Variants in WWC2 observed in about 807,000 individuals in gnomAD.
WWC2 encodes WW and C2 domain containing 2, also known as protein WWC2.
Under a neutral mutation model 138.5 loss-of-function variants are expected in WWC2, and 101 were observed. The observed-to-expected ratio is 0.73, with a 90% CI of 0.62 to 0.86. The LOEUF (loss-of-function observed/expected upper bound fraction) is 0.86. WWC2 is among the 40% of genes least tolerant of loss of function. The pLI, the probability that WWC2 is intolerant of heterozygous loss-of-function variation, is 0.00. For missense variants in WWC2, 1,420 were observed against 1,419.4 expected (o/e 1.00, Z -0.01); for synonymous variants, 558 against 538.4 (o/e 1.04, Z -0.50).
At chr4:183,302,745 A>G (rs977018709) in intron 21 of WWC2, among the ~76,000 whole-genome samples, 16 of 152,206 alleles carry the variant, frequency 1.1e-4, no homozygotes, top group Non-Finnish European at 2.4e-4. Context: ...GTCCCTCAAG[A>G]CACAAATAAA....
chr4:183,200,026 A>C (rs1288140156), intron 2 of WWC2, among the ~76,000 whole-genome samples: 3 of 152,206 alleles, frequency 2.0e-5, no homozygotes, highest in Non-Finnish European at 4.4e-5. Flanking sequence ...CTGCTTTATG[A>C]AGCCTTCTAA....
At chr4:183,206,255 C>T (rs1735444259) in intron 2 of WWC2, among the ~76,000 whole-genome samples, 1 of 152,034 alleles carries the variant, frequency 6.6e-6, no homozygotes, top group Admixed American at 6.5e-5. Flanking sequence ...CCTGTTATTC[C>T]ACCATGGCCT....
rs1309054058 is a variant in WWC2 at position 183,312,353 on chromosome 4, AAAG to A, written c.3402_3404del (p.Glu1135del). ...TTCCCTTTTCCAGGCTGAACAGTCC[AAAG>A]AAGAGCAGAAGCAAGGTCTGAATGC... On this transcript the variant is annotated inframe_deletion, in exon 22 of 23. Transcript: ENST00000403733. 1.2e-6 allele frequency: 2 copies of A among 1,613,476 alleles called. No individual in the cohort carries two copies. The highest frequency in any genetic ancestry group is 1.7e-5 in the Admixed American group (1 of 60,012).
chr4:183,154,668 G>A (rs1370644278), intron 1 of WWC2, among the ~76,000 whole-genome samples: 1 of 152,090 alleles, frequency 6.6e-6, no homozygotes, highest in Admixed American at 6.6e-5. Context: ...TAATTTAACC[G>A]GATTAAGATG....
At chr4:183,172,859 T>C (rs1029670773) in intron 1 of WWC2, among the ~76,000 whole-genome samples, 38 of 152,152 alleles carry the variant, frequency 2.5e-4, no homozygotes, top group Admixed American at 1.7e-3. Flanking sequence ...ACCTCCTAGA[T>C]TGGTTGTTCA....
intron 1 of WWC2, among the ~76,000 whole-genome samples, chr4:183,155,312 G>T (rs1733774878): frequency 6.6e-6 from 1 of 152,078 alleles, no homozygotes; most frequent in Non-Finnish European, 1.5e-5. Flanking sequence ...CTAGGGGTCA[G>T]CGGAGACATA....
intron 5 of WWC2, chr4:183,240,524 C>G (rs1244053845): frequency 6.4e-6 from 2 of 314,364 alleles, no homozygotes; most frequent in Admixed American, 5.0e-5. Flanking sequence ...TTTGTCTTAC[C>G]TTTATCTCCT....
At chr4:183,240,445 C>T (rs1444390898) in intron 5 of WWC2, 183 bp downstream of exon 5, 1 of 490,760 alleles carries the variant, frequency 2.0e-6, no homozygotes, top group African/African-American at 2.0e-5. Context: ...TGGGAAAGAT[C>T]TATGCACTTG....
At chr4:183,147,882 TA>T (rs754438055) in intron 1 of WWC2, among the ~76,000 whole-genome samples, 10 of 152,258 alleles carry the variant, frequency 6.6e-5, no homozygotes, top group Non-Finnish European at 1.5e-4. Flanking sequence ...TTGCACATGC[TA>T]ACATACTTTG....
intron 11 of WWC2, among the ~76,000 whole-genome samples, 172 bp from the exon 12 acceptor site, chr4:183,264,806 A>G (rs930763492): frequency 2.0e-5 from 3 of 152,242 alleles, no homozygotes; most frequent in African/African-American, 4.8e-5. Context: ...CAGGAATCTT[A>G]TAAGTCATAG....
chr4:183,212,587 C>G (rs1482432302), intron 4 of WWC2, among the ~76,000 whole-genome samples: 1 of 152,166 alleles, frequency 6.6e-6, no homozygotes, highest in Non-Finnish European at 1.5e-5. Context: ...AAATTTTCAC[C>G]CTTTTCATAG....
rs190962996 is a variant in WWC2 at position 183,169,022 on chromosome 4, G to T, written c.132-24577G>T. On this transcript the variant is annotated intron_variant, in intron 1 of 22. Transcript: ENST00000403733. ...CACCACCACGCCCGGCTAATTTTCT[G>T]TTTTTAGTAGAGATGGGGTTTCTCC... is the stretch of plus-strand genomic sequence containing the variant. Among the ~76,000 whole-genome samples, 537 of 151,756 alleles carry T rather than the reference G, an allele frequency of 3.5e-3. 2 individuals are homozygous for T. Among genetic ancestry groups the T allele is most frequent in the Non-Finnish European group, 6.4e-3 (435 of 67,908 alleles).
At chr4:183,104,492 A>C (rs1243603187) in intron 1 of WWC2, among the ~76,000 whole-genome samples, 2 of 152,218 alleles carry the variant, frequency 1.3e-5, no homozygotes, top group African/African-American at 4.8e-5. Context: ...AAATATGAGA[A>C]TTACTTATAA....
At chr4:183,288,405 T>C (rs1388064704) in intron 20 of WWC2, among the ~76,000 whole-genome samples, 1 of 152,212 alleles carries the variant, frequency 6.6e-6, no homozygotes, top group African/African-American at 2.4e-5. Flanking sequence ...TTGCATTCTG[T>C]CTGCCAATAA....
intron 4 of WWC2, among the ~76,000 whole-genome samples, chr4:183,226,643 A>G (rs1476054137): frequency 2.0e-5 from 3 of 152,074 alleles, no homozygotes; most frequent in African/African-American, 7.3e-5. Flanking sequence ...ATAGCTCTGC[A>G]ATATTTAAAA....
chr4:183,289,639 C>T lies in WWC2; in HGVS notation c.3384+4C>T, dbSNP rs201936556. 2.7e-5 allele frequency: 43 copies of T among 1,613,168 alleles called. No individual in the cohort carries two copies. The East Asian group carries it at 3.6e-4, about 13-fold the overall frequency. On this transcript the variant is annotated splice_donor_region_variant and intron_variant, in intron 21 of 22. Transcript: ENST00000403733. ...TCTGAAGCAAGCTGAGAAGCAGGTA[C>T]GCAGCTCAGGGTCTGTCATCTCGGA...
intron 1 of WWC2, among the ~76,000 whole-genome samples, chr4:183,117,711 C>T (rs1732459586): frequency 1.3e-5 from 2 of 151,016 alleles, no homozygotes; most frequent in South Asian, 4.2e-4. Context: ...CTTAAGGGAT[C>T]CTCCTGCCTC....
At chr4:183,275,594 TA>T (rs1275765529) in intron 16 of WWC2, among the ~76,000 whole-genome samples, 1 of 152,170 alleles carries the variant, frequency 6.6e-6, no homozygotes, top group African/African-American at 2.4e-5. Context: ...ATTCAATTGA[TA>T]TAATTTATTA....
chr4:183,111,218 C>T (rs1206131529), intron 1 of WWC2, among the ~76,000 whole-genome samples: 4 of 151,998 alleles, frequency 2.6e-5, no homozygotes, highest in Non-Finnish European at 5.9e-5. Flanking sequence ...CCAGCCTGGG[C>T]GACAGAGCCA....
Sources: gnomAD v4.1 joint callset for allele counts (sites outside exome capture counted in the v4.1 genomes callset) on GRCh38, gnomAD v4.1.1 for gene constraint, MANE v1.5 for transcripts, NCBI Gene and HGNC (gene_info 2026-07-23, HGNC 2026-07-21) for gene names.